PCDHGB3: variants seen among roughly 807,000 people sequenced by gnomAD.
The protein encoded by PCDHGB3 is protocadherin gamma-B3.
In PCDHGB3, 40 loss-of-function variants were observed where a neutral mutation model predicts 59.2. The ratio of observed to expected loss-of-function variants is 0.68; its 90% CI spans 0.52 to 0.88. The LOEUF (loss-of-function observed/expected upper bound fraction) is 0.88, where lower values mean the gene tolerates loss of function less well. PCDHGB3 is among the 40% of genes least tolerant of loss of function. The pLI is 0.00. For missense variants in PCDHGB3, 1,309 were observed against 1,187.9 expected (o/e 1.10, Z -1.50); for synonymous variants, 581 against 503.6 (o/e 1.15, Z -2.06).
At chr5:141,374,155 G>C in intron 1 of PCDHGB3, 1 of 1,612,144 alleles carries the variant, frequency 6.2e-7, no homozygotes, top group Non-Finnish European at 8.5e-7. Flanking sequence ...GGACGCTGTG[G>C]GGGGCCGCGG....
chr5:141,372,087 C>G lies in PCDHGB3; in HGVS notation c.1693C>G (p.Pro565Ala). ...CGACAATGCACCGCTGGTGCTGTAC[C>G]CAGCTCTGGGGCCCGAAGGCTCTGC... ...RNDNAPLVLYPALGPEGSALF... is the reference protein window; with the variant it reads ...RNDNAPLVLYAALGPEGSALF... The change falls in exon 1 of 4, where the codon CCA becomes GCA. Residue 565 changes from proline (P) to alanine (A), a missense_variant. By Grantham distance (27) the Pro-to-Ala change is conservative. Transcript: ENST00000576222. The G allele has an allele frequency of 1.2e-6, 2 of 1,613,740 alleles. No homozygotes were observed. Among genetic ancestry groups the G allele is most frequent in the Non-Finnish European group, 1.7e-6 (2 of 1,179,898 alleles).
At chr5:141,388,692 G>A (rs2091455947) in intron 1 of PCDHGB3, 1 of 1,613,870 alleles carries the variant, frequency 6.2e-7, no homozygotes, top group Non-Finnish European at 8.5e-7. Flanking sequence ...CACGGACCAG[G>A]ATGAGGGTGT....
rs781346812 is a variant in PCDHGB3, at chr5:141,489,773, T to A, written c.2416-5034T>A. 6.2e-7 allele frequency: 1 copy of A among 1,614,102 alleles called. No individual in the cohort carries two copies. The highest frequency in any genetic ancestry group is 8.5e-7 in the Non-Finnish European group (1 of 1,179,984). ...TACACTCTAAGCCCCAACAGCCACT[T>A]CTCTCTGAATGTGAAGACCCTAAAA... is the stretch of plus-strand genomic sequence containing the variant. On this transcript the variant is annotated intron_variant, in intron 1 of 3. Transcript: ENST00000576222. The surrounding 1 kb of genome is among the most constrained non-coding windows in gnomAD (Gnocchi z 4.5).
intron 1 of PCDHGB3, among the ~76,000 whole-genome samples, chr5:141,492,148 G>C (rs2099737507): frequency 6.6e-6 from 1 of 152,202 alleles, no homozygotes; most frequent in Admixed American, 6.5e-5. Flanking sequence ...TGACTTCACT[G>C]TTACCCTCCC....
rs371490086 is a variant in PCDHGB3 at position 141,405,329 on chromosome 5, G to A, written c.2415+32520G>A. 241 of 1,614,168 alleles carry A rather than the reference G, an allele frequency of 1.5e-4. No individual in the cohort carries two copies. Among genetic ancestry groups the A allele is most frequent in the African/African-American group, 1.1e-3 (80 of 75,034 alleles). The stretch of plus-strand genomic sequence containing the variant: ...CTGTGAGAAAAATGAGCCTTTGTGC[G>A]TCTCTGTTGATTCCAAGTTTCCTAT... On this transcript the variant is annotated intron_variant, in intron 1 of 3. Coordinates refer to ENST00000576222, the MANE Select transcript of PCDHGB3 (RefSeq NM_018924.5).
intron 1 of PCDHGB3, chr5:141,384,884 T>C (rs759644846): frequency 6.2e-7 from 1 of 1,613,846 alleles, no homozygotes; most frequent in East Asian, 2.2e-5. Context: ...ACACTCACCG[T>C]GGCTGTGGCT....
In PCDHGB3 at chr5:141,511,161, G is replaced by A; in HGVS notation, c.2778G>A (p.Lys926=). 1 of 1,614,176 alleles carries A rather than the reference G, an allele frequency of 6.2e-7. No individual in the cohort carries two copies. The highest frequency in any genetic ancestry group is 8.5e-7 in the Non-Finnish European group (1 of 1,180,010). ...GNGNKKKSGK[K]EKK ...GCAACAAGAAGAAGTCGGGCAAGAA[G>A]GAGAAGAAGTAACATGGAGGCCAGG... Residue 926 remains lysine, a synonymous_variant, in exon 4 of 4, where the codon AAG becomes AAA. Transcript: ENST00000576222.
chr5:141,395,148 C>T (rs1288484224), intron 1 of PCDHGB3: 19 of 1,614,078 alleles, frequency 1.2e-5, no homozygotes, highest in Non-Finnish European at 1.6e-5. Context: ...CGCAGACATG[C>T]TCATCAGTCA....
intron 1 of PCDHGB3, chr5:141,399,180 G>T (rs1454578078): frequency 3.7e-6 from 6 of 1,613,798 alleles, no homozygotes; most frequent in Admixed American, 1.7e-5. Flanking sequence ...TACTTGAAAT[G>T]ATTCTGGAAA....
intron 1 of PCDHGB3, chr5:141,388,774 G>A: frequency 3.1e-6 from 5 of 1,613,878 alleles, no homozygotes; most frequent in Non-Finnish European, 4.2e-6. Flanking sequence ...TCTAACACCG[G>A]GGAAATTACT....
In PCDHGB3 at chr5:141,385,021, G is replaced by A. The variant is rs556987681; in HGVS notation, c.2415+12212G>A. On this transcript the variant is annotated intron_variant, in intron 1 of 3. Coordinates refer to ENST00000576222, the MANE Select transcript of PCDHGB3 (RefSeq NM_018924.5). ...AGTCTCCTGCGTCTTCCTAGCCTTC[G>A]TCCTCGTACTGCTGGCGCTCAGGCT... 4.4e-5 allele frequency: 71 copies of A among 1,614,120 alleles called. No individual in the cohort carries two copies. The East Asian group carries it at 1.5e-3, about 35-fold the overall frequency.
Position 141,431,363 on chromosome 5 carries a change from C to A in PCDHGB3, c.2415+58554C>A. ...ATTGGTGCTGAAACGCGCCCTGGAC[C>A]GCGAAGAAAAGGCTGCTCACCACCT... On this transcript the variant is annotated intron_variant, in intron 1 of 3. Transcript: ENST00000576222. The surrounding 1 kb of genome is among the most constrained non-coding windows in gnomAD (Gnocchi z 4.8). 1 of 1,614,024 alleles carries A rather than the reference C, an allele frequency of 6.2e-7. No homozygotes were observed. Among genetic ancestry groups the A allele is most frequent in the Non-Finnish European group, 8.5e-7 (1 of 1,180,028 alleles).
intron 1 of PCDHGB3, chr5:141,384,947 G>A: frequency 6.2e-7 from 1 of 1,614,100 alleles, no homozygotes; most frequent in Non-Finnish European, 8.5e-7. Context: ...CCCTCCGACG[G>A]TCCTTACAAC....
In PCDHGB3 at chr5:141,372,512, G is replaced by A. The variant is rs1343689121; in HGVS notation, c.2118G>A (p.Ala706=). 1 of 1,614,024 alleles carries A rather than the reference G, an allele frequency of 6.2e-7. No individual in the cohort carries two copies. Among genetic ancestry groups the A allele is most frequent in the East Asian group, 2.2e-5 (1 of 44,884 alleles). Residue 706 remains alanine (A), a synonymous_variant, in exon 1 of 4, where the codon GCG becomes GCA. Coordinates refer to ENST00000576222, the MANE Select transcript of PCDHGB3 (RefSeq NM_018924.5). The part of the protein sequence containing the change: ...LALISVLFLL[A]VILAISLRLR... ...TGATCTCAGTGCTCTTCCTCCTCGC[G>A]GTGATTCTGGCAATCTCCCTGCGCC... is the stretch of plus-strand genomic sequence containing the variant.
At chr5:141,422,709 T>A in intron 1 of PCDHGB3, 1 of 1,603,558 alleles carries the variant, frequency 6.2e-7, no homozygotes, top group Admixed American at 1.7e-5. Flanking sequence ...CTCTGACGGA[T>A]GACACTGTCC....
rs558467940 is a variant in PCDHGB3, at chr5:141,373,761, G to C, written c.2415+952G>C. Among the ~76,000 whole-genome samples the C allele has an allele frequency of 9.2e-5, 14 of 152,338 alleles. No individual in the cohort carries two copies. The East Asian group carries it at 2.5e-3, about 27-fold the overall frequency. ...ATTATCTTGGGGAGGGAAATATTAT[G>C]AGTGTCATCTCTGCAGATTTAGCAG... On this transcript the variant is annotated intron_variant, in intron 1 of 3. Transcript: ENST00000576222.
In PCDHGB3 at chr5:141,511,036, G is replaced by T; in HGVS notation, c.2653G>T (p.Val885Leu). The T allele has an allele frequency of 1.2e-6, 2 of 1,614,200 alleles. No homozygotes were observed. The highest frequency in any genetic ancestry group is 1.7e-6 in the Non-Finnish European group (2 of 1,180,024). Residue 885 changes from valine to leucine, a missense_variant, in exon 4 of 4, where the codon GTG (valine) becomes TTG (leucine). Transcript: ENST00000576222. ...RYGPQFTLQHVPDYRQNVYIP... is the reference protein window; with the variant it reads ...RYGPQFTLQHLPDYRQNVYIP... Reference sequence around the variant, plus strand: ...CGGACCCCAGTTCACCCTGCAGCACGTGCCCGACTACCGCCAGAATGTCTA... The same window carrying T: ...CGGACCCCAGTTCACCCTGCAGCACTTGCCCGACTACCGCCAGAATGTCTA...
intron 1 of PCDHGB3, among the ~76,000 whole-genome samples, chr5:141,396,987 T>C (rs2093462210): frequency 6.6e-6 from 1 of 152,232 alleles, no homozygotes; most frequent in Admixed American, 6.5e-5. Context: ...GCTAGTTGTT[T>C]TTATTAATCT....
chr5:141,479,941 T>C (rs983830280), intron 1 of PCDHGB3, among the ~76,000 whole-genome samples: 2 of 152,194 alleles, frequency 1.3e-5, no homozygotes, highest in Admixed American at 6.5e-5. Context: ...TGCTATCAAC[T>C]CTTGGATTTG....
Sources: gnomAD v4.1 joint callset for allele counts (sites outside exome capture counted in the v4.1 genomes callset) on GRCh38, gnomAD v4.1.1 for gene constraint, Gnocchi (gnomAD v3.1) non-coding constraint, MANE v1.5 for transcripts, NCBI Gene and HGNC (gene_info 2026-07-23, HGNC 2026-07-21) for gene names.